PAPPA2: variants seen among roughly 807,000 people sequenced by gnomAD.
The protein encoded by PAPPA2 is pappalysin-2.
In PAPPA2, 86 loss-of-function variants were observed where a neutral mutation model predicts 176.4. That is an observed-to-expected ratio of 0.49 (90% CI 0.41 to 0.58). The LOEUF is 0.58. Among genes scored for constraint, PAPPA2 ranks in the 20% least tolerant of loss-of-function variants. The pLI, the probability that PAPPA2 is intolerant of heterozygous loss-of-function variation, is 0.00. For missense variants in PAPPA2, 2,073 were observed against 2,256.9 expected, an observed-to-expected ratio of 0.92 and a Z score of 1.65; for synonymous variants, 809 against 852.2, an observed-to-expected ratio of 0.95 and a Z score of 0.88.
At chr1:176,637,639 T>G (rs905269899) in intron 3 of PAPPA2, among the ~76,000 whole-genome samples, 1 of 152,132 alleles carries the variant, frequency 6.6e-6, no homozygotes, top group African/African-American at 2.4e-5. Flanking sequence ...TGACAGCTTT[T>G]TCATGACTAT....
intron 3 of PAPPA2, among the ~76,000 whole-genome samples, chr1:176,638,243 G>A (rs1341822379): frequency 1.3e-5 from 2 of 151,826 alleles, no homozygotes; most frequent in South Asian, 2.1e-4. Flanking sequence ...AAATATGCAC[G>A]CCATACCCAT....
chr1:176,741,569 G>A (rs557989037), intron 14 of PAPPA2, among the ~76,000 whole-genome samples: 1 of 152,098 alleles, frequency 6.6e-6, no homozygotes, highest in African/African-American at 2.4e-5. Context: ...CTATTCATTA[G>A]AAATGAGTCA....
intron 21 of PAPPA2, among the ~76,000 whole-genome samples, chr1:176,837,561 G>T (rs138282248): frequency 1.3e-4 from 19 of 148,292 alleles, no homozygotes; most frequent in African/African-American, 4.4e-4. Context: ...TTTAAAAAGT[G>T]ACCCTTACCA....
chr1:176,535,443 T>G (rs1299988378), intron 1 of PAPPA2, among the ~76,000 whole-genome samples: 1 of 152,236 alleles, frequency 6.6e-6, no homozygotes, highest in East Asian at 1.9e-4. Flanking sequence ...TTGCTCTCCT[T>G]TACAGATAAC....
intron 21 of PAPPA2, among the ~76,000 whole-genome samples, chr1:176,812,488 TG>T (rs1315296636): frequency 6.6e-6 from 1 of 152,322 alleles, no homozygotes; most frequent in East Asian, 1.9e-4. Flanking sequence ...GCTTCAAAAC[TG>T]TGTTTTAAAT....
At position 176,699,172 on chromosome 1, in the gene PAPPA2, T is replaced by G; in HGVS notation, c.2819T>G (p.Met940Arg). ...AWSPEVHLYH[M>R]NMTVPCPTEG... Reference sequence around the variant, plus strand: ...AGCCCTGAGGTCCACCTGTACCACATGAACATGACGGTCCCCTGCCCCACA... The same window carrying G: ...AGCCCTGAGGTCCACCTGTACCACAGGAACATGACGGTCCCCTGCCCCACA... Residue 940 changes from methionine to arginine, a missense_variant, in exon 8 of 23, where the codon ATG becomes AGG. This residue lies in a region of PAPPA2 where 1,196 missense variants were observed against 1,330.4 expected (regional missense o/e 0.90). Coordinates refer to ENST00000367662, the MANE Select transcript of PAPPA2 (RefSeq NM_020318.3). The G allele has an allele frequency of 6.2e-7, 1 of 1,614,076 alleles. No individual in the cohort carries two copies. Among genetic ancestry groups the G allele is most frequent in the African/African-American group, 1.3e-5 (1 of 75,026 alleles).
Position 176,702,770 on chromosome 1 carries a change from TGTGTGTGAGAGAGA to T in PAPPA2, c.3365+37_3365+50del, listed in dbSNP as rs761989231. On this transcript the variant is annotated intron_variant, in intron 9 of 22. Coordinates refer to ENST00000367662, the MANE Select transcript of PAPPA2 (RefSeq NM_020318.3). ...TTGTGTGTGTGTGTGTGTGTGTGTG[TGTGTGTGAGAGAGA>T]GAGAGAGAGAGAGAGAGAGGGAGGG... is the stretch of plus-strand genomic sequence containing the variant. The T allele has an allele frequency of 5.6e-5, 88 of 1,572,984 alleles. No individual in the cohort carries two copies. In the African/African-American group the frequency reaches 1.2e-3, roughly 21 times the overall value.
intron 20 of PAPPA2, among the ~76,000 whole-genome samples, chr1:176,799,438 A>G (rs1199044088): frequency 2.0e-5 from 3 of 152,176 alleles, no homozygotes; most frequent in Non-Finnish European, 4.4e-5. Context: ...TGTCATTTTG[A>G]GTAGCAGTGA....
chr1:176,523,225 G>C (rs751519115), intron 1 of PAPPA2, among the ~76,000 whole-genome samples: 1 of 152,078 alleles, frequency 6.6e-6, no homozygotes, highest in Non-Finnish European at 1.5e-5. Context: ...TATAACTGCT[G>C]CTATATCTGA....
intron 21 of PAPPA2, among the ~76,000 whole-genome samples, chr1:176,832,554 T>C (rs1303899484): frequency 6.6e-6 from 1 of 152,148 alleles, no homozygotes; most frequent in Admixed American, 6.5e-5. Context: ...GGTTTCTTCA[T>C]GTTGGCTAGG....
intron 22 of PAPPA2, 62 bp from the exon 23 acceptor site, chr1:176,842,318 C>T (rs988969860): frequency 5.2e-5 from 75 of 1,456,160 alleles, no homozygotes; most frequent in Non-Finnish European, 6.7e-5. Flanking sequence ...AGTGAAAGCT[C>T]GTTTAAAAGT....
At chr1:176,643,542 A>G (rs1319151765) in intron 3 of PAPPA2, among the ~76,000 whole-genome samples, 2 of 151,758 alleles carry the variant, frequency 1.3e-5, no homozygotes, top group Admixed American at 6.6e-5. Context: ...GGTCTAGAGT[A>G]TACCAGGAGT....
intron 21 of PAPPA2, among the ~76,000 whole-genome samples, chr1:176,839,294 G>T (rs9661035): frequency 0.022 from 3,362 of 152,238 alleles, 143 homozygotes; most frequent in African/African-American, 0.077. Flanking sequence ...GAGAAATAAT[G>T]CATTGGGCTG....
rs1667542811 is a variant in PAPPA2 at position 176,843,036 on chromosome 1, A to G, written c.*582A>G. ...ATATATATTATATTTTTTGCTGTTT[A>G]CTAAGCTAAAAATTATTCATTGTTC... On this transcript the variant is annotated 3_prime_UTR_variant, in exon 23 of 23. Coordinates refer to ENST00000367662, the MANE Select transcript of PAPPA2 (RefSeq NM_020318.3). 6.6e-6 allele frequency: 1 copy of G among 151,092 alleles called. No individual in the cohort carries two copies. The highest frequency in any genetic ancestry group is 2.4e-5 in the African/African-American group (1 of 41,278). The allele number at this position is 151,092 out of a possible 1,614,324, so 9.4% of individuals were successfully genotyped here.
At chr1:176,831,798 G>T (rs1278271924) in intron 21 of PAPPA2, among the ~76,000 whole-genome samples, 1 of 152,202 alleles carries the variant, frequency 6.6e-6, no homozygotes, top group Non-Finnish European at 1.5e-5. Context: ...CTGTGTGATG[G>T]TTTGGGGTTT....
intron 3 of PAPPA2, among the ~76,000 whole-genome samples, chr1:176,604,916 G>T (rs1368933638): frequency 2.6e-5 from 4 of 151,984 alleles, no homozygotes; most frequent in African/African-American, 9.7e-5. Flanking sequence ...AAAAAGAAGG[G>T]TATTCAGAGA....
rs117011082 is a variant in PAPPA2 at position 176,582,267 on chromosome 1, A to G, written c.920-12257A>G. Reference sequence around the variant, plus strand: ...GTAAGATCACTTCATTTGCAAATGGACAATTTTACTTGCTTCTTTCCAATT... The same window carrying G: ...GTAAGATCACTTCATTTGCAAATGGGCAATTTTACTTGCTTCTTTCCAATT... On this transcript the variant is annotated intron_variant, in intron 2 of 22. Transcript: ENST00000367662. Among the ~76,000 whole-genome samples, 1,481 of 152,196 alleles carry G rather than the reference A, an allele frequency of 9.7e-3. 64 individuals are homozygous for G. The highest frequency in any genetic ancestry group is 0.077 in the Admixed American group (1,178 of 15,292).
chr1:176,722,419 CTTTT>C (rs34221424), intron 12 of PAPPA2, among the ~76,000 whole-genome samples: 3 of 124,028 alleles, frequency 2.4e-5, no homozygotes, highest in Non-Finnish European at 5.0e-5. Context: ...TATACATTTC[CTTTT>C]TTTTTTTTTT....
intron 3 of PAPPA2, among the ~76,000 whole-genome samples, chr1:176,621,770 C>G (rs1475197841): frequency 6.6e-6 from 1 of 151,952 alleles, no homozygotes; most frequent in African/African-American, 2.4e-5. Flanking sequence ...GTAACTGCCT[C>G]TAGTGAACAC....
Sources: gnomAD v4.1 joint callset for allele counts (sites outside exome capture counted in the v4.1 genomes callset) on GRCh38, gnomAD v4.1.1 for gene constraint, gnomAD v4.1.1 regional missense constraint, MANE v1.5 for transcripts, NCBI Gene and HGNC (gene_info 2026-07-23, HGNC 2026-07-21) for gene names.